RBM19: variants seen among roughly 807,000 people sequenced by gnomAD.
The protein encoded by RBM19 is RNA binding motif protein 19.
RBM19 carries 94 observed loss-of-function variants against 116.8 expected under a neutral mutation model. The ratio of observed to expected loss-of-function variants is 0.80; its 90% CI spans 0.68 to 0.95. The LOEUF (loss-of-function observed/expected upper bound fraction) is 0.95. Among genes scored for constraint, RBM19 ranks in the 40% least tolerant of loss-of-function variants. The pLI is 0.00. For missense variants in RBM19, 1,161 were observed against 1,220.7 expected (o/e 0.95, Z 0.73); for synonymous variants, 475 against 494.1 (o/e 0.96, Z 0.51).
chr12:113,965,890 A>G (rs529663398), intron 1 of RBM19, among the ~76,000 whole-genome samples: 9 of 152,250 alleles, frequency 5.9e-5, no homozygotes, highest in African/African-American at 2.2e-4. Flanking sequence ...ACAGTGATCG[A>G]ATGAAAGAGG....
chr12:113,959,124 A>C lies in RBM19; in HGVS notation c.571+88T>G, dbSNP rs369945264. The C allele has an allele frequency of 7.6e-6, 11 of 1,451,166 alleles. No individual in the cohort carries two copies. In the East Asian group the frequency reaches 2.5e-4, roughly 33 times the overall value. The allele number at this position is 1,451,166 out of a possible 1,614,324, so 89.9% of individuals were successfully genotyped here. Reference sequence around the variant, plus strand: ...GCTCAAGGGCTCACCTGACTCCTAGAGTCTGCACAGAGGGGCCCCCAGTGC... The same window carrying C: ...GCTCAAGGGCTCACCTGACTCCTAGCGTCTGCACAGAGGGGCCCCCAGTGC... On this transcript the variant is annotated intron_variant, in intron 5 of 23. Transcript: ENST00000261741.
rs149569927 is a variant in RBM19, at chr12:113,927,192, T to C, written c.2106A>G (p.Thr702=). ...DGETPEDENP[T]EEGADNSSAK... is the part of the protein sequence containing the mutation. ...CTGAAGAGTTGTCTGCTCCTTCCTC[T>C]GTTGGATTTTCATCTTCTGGGGTTT... Residue 702 remains threonine, a synonymous_variant, in exon 17 of 24, where the codon ACA becomes ACG. Coordinates refer to ENST00000261741, the MANE Select transcript of RBM19 (RefSeq NM_016196.4). 2.5e-6 allele frequency: 4 copies of C among 1,578,246 alleles called. No individual in the cohort carries two copies. Among genetic ancestry groups the C allele is most frequent in the Non-Finnish European group, 3.4e-6 (4 of 1,161,166 alleles).
At chr12:113,911,905 CTG>C (rs141608368) in intron 21 of RBM19, among the ~76,000 whole-genome samples, 2,276 of 152,318 alleles carry the variant, frequency 0.015, 73 homozygotes, top group East Asian at 0.12. Context: ...CCAGGGGAAA[CTG>C]AAGTCCGAAA....
chr12:113,910,761 C>G (rs1882378758), intron 21 of RBM19, among the ~76,000 whole-genome samples: 1 of 152,204 alleles, frequency 6.6e-6, no homozygotes, highest in Admixed American at 6.5e-5. Flanking sequence ...CTCCCCGATG[C>G]CTGTATTAGC....
At chr12:113,962,148 G>T in intron 2 of RBM19, 84 bp downstream of exon 2, 1 of 1,484,650 alleles carries the variant, frequency 6.7e-7, no homozygotes, top group Non-Finnish European at 9.3e-7. Flanking sequence ...GAAGAGGGAC[G>T]GTCTTTGAAC....
intron 21 of RBM19, among the ~76,000 whole-genome samples, chr12:113,861,037 C>T (rs1467479393): frequency 2.0e-5 from 3 of 152,210 alleles, no homozygotes; most frequent in Non-Finnish European, 2.9e-5. Flanking sequence ...CCTTATCATT[C>T]CCATGTTACA....
chr12:113,834,292 C>T (rs1344445938), intron 23 of RBM19, among the ~76,000 whole-genome samples: 1 of 152,142 alleles, frequency 6.6e-6, no homozygotes, highest in East Asian at 1.9e-4. Context: ...ATGGGGCCTC[C>T]TATCCAGGGA....
chr12:113,893,195 C>T (rs1881075043), intron 21 of RBM19, among the ~76,000 whole-genome samples: 1 of 152,046 alleles, frequency 6.6e-6, no homozygotes, highest in African/African-American at 2.4e-5. Flanking sequence ...CCATACCTGT[C>T]TAATTTTTAA....
chr12:113,859,507 T>C (rs1878193965), intron 21 of RBM19, among the ~76,000 whole-genome samples: 1 of 152,198 alleles, frequency 6.6e-6, no homozygotes, highest in African/African-American at 2.4e-5. Context: ...CATTTCGATA[T>C]CTTCTAAGCC....
chr12:113,887,075 T>G (rs1367216434), intron 21 of RBM19, among the ~76,000 whole-genome samples: 1 of 152,234 alleles, frequency 6.6e-6, no homozygotes, highest in African/African-American at 2.4e-5. Flanking sequence ...AATAACATTT[T>G]GTGACACAAG....
At chr12:113,924,830 A>G (rs772510370) in intron 17 of RBM19, 73 bp from the exon 18 acceptor site, 14 of 1,270,288 alleles carry the variant, frequency 1.1e-5, no homozygotes, top group Non-Finnish European at 1.6e-5. Context: ...GTCAAACACT[A>G]TACCCCCAAA....
At chr12:113,833,502 C>A (rs1168800827) in intron 23 of RBM19, among the ~76,000 whole-genome samples, 1 of 152,226 alleles carries the variant, frequency 6.6e-6, no homozygotes, top group Non-Finnish European at 1.5e-5. Context: ...CCAGGCCAGA[C>A]AAGGCCCCAG....
chr12:113,823,193 C>T lies in RBM19; in HGVS notation c.*31G>A. 1.3e-6 allele frequency: 2 copies of T among 1,588,290 alleles called. No individual in the cohort carries two copies. The highest frequency in any genetic ancestry group is 1.7e-6 in the Non-Finnish European group (2 of 1,166,186). On this transcript the variant is annotated 3_prime_UTR_variant, in exon 24 of 24. Transcript: ENST00000261741. ...GGAGCGGCTGTCCCGGTCCCCAGGGCCCCGGAGCCACACACCCTCTCGGTG... is the reference window on the plus strand; with the variant it reads ...GGAGCGGCTGTCCCGGTCCCCAGGGTCCCGGAGCCACACACCCTCTCGGTG...
At chr12:113,950,776 G>C (rs1283357022) in intron 8 of RBM19, among the ~76,000 whole-genome samples, 1 of 152,078 alleles carries the variant, frequency 6.6e-6, no homozygotes, top group Admixed American at 6.5e-5. Context: ...AAAGCCCTTG[G>C]GTTTTCTGCC....
intron 21 of RBM19, among the ~76,000 whole-genome samples, chr12:113,859,629 C>T (rs1428472351): frequency 6.6e-6 from 1 of 152,178 alleles, no homozygotes; most frequent in African/African-American, 2.4e-5. Context: ...TCCTCTCCTC[C>T]AGGTTAAACC....
intron 23 of RBM19, among the ~76,000 whole-genome samples, chr12:113,838,440 C>T (rs1206036425): frequency 7.9e-5 from 12 of 152,056 alleles, no homozygotes; most frequent in South Asian, 4.2e-4. Context: ...GCAAACTCCA[C>T]GGGGAGAACA....
intron 18 of RBM19, among the ~76,000 whole-genome samples, chr12:113,923,217 A>T (rs964767995): frequency 1.3e-5 from 2 of 152,198 alleles, no homozygotes; most frequent in Non-Finnish European, 2.9e-5. Flanking sequence ...TTTTAAAAAA[A>T]GTGTGGGTGG....
At chr12:113,882,676 G>A (rs747144742) in intron 21 of RBM19, among the ~76,000 whole-genome samples, 7 of 152,160 alleles carry the variant, frequency 4.6e-5, no homozygotes, top group Non-Finnish European at 8.8e-5. Context: ...CCGAGCCCAG[G>A]GGTGGCTCCA....
intron 2 of RBM19, among the ~76,000 whole-genome samples, chr12:113,961,587 T>C (rs966883344): frequency 6.6e-6 from 1 of 152,166 alleles, no homozygotes; most frequent in Admixed American, 6.5e-5. Flanking sequence ...ATATATATAT[T>C]TATCCATCAT....
Sources: gnomAD v4.1 joint callset for allele counts (sites outside exome capture counted in the v4.1 genomes callset) on GRCh38, gnomAD v4.1.1 for gene constraint, MANE v1.5 for transcripts, NCBI Gene and HGNC (gene_info 2026-07-23, HGNC 2026-07-21) for gene names.